The following CPLX1 variants were observed in gnomAD, a reference collection of about 807,000 sequenced individuals.
CPLX1 encodes the protein complexin 1, also known as complexin-1.
Under a neutral mutation model 15.6 loss-of-function variants are expected in CPLX1, and 6 were observed. The observed-to-expected ratio is 0.39, with a 90% CI of 0.21 to 0.76. The LOEUF is 0.76. CPLX1 is among the 30% of genes least tolerant of loss of function. CPLX1 has a pLI of 0.43. For synonymous variants in CPLX1, 91 were observed against 75.2 expected (o/e 1.21, Z -1.08); for missense variants, 242 against 188.6 (o/e 1.28, Z -1.66).
At chr4:822,448 T>C (rs1447848062) in intron 2 of CPLX1, among the ~76,000 whole-genome samples, 1 of 152,186 alleles carries the variant, frequency 6.6e-6, no homozygotes, top group East Asian at 1.9e-4. Context: ...GTCTCTGACG[T>C]GCCGTCTCTG....
chr4:818,086 G>A (rs1207735557), intron 2 of CPLX1, among the ~76,000 whole-genome samples: 1 of 152,222 alleles, frequency 6.6e-6, no homozygotes, highest in East Asian at 1.9e-4. Flanking sequence ...TTTGGCTCCT[G>A]TTCTTGCATT....
At chr4:788,050 T>C (rs1400352321) in intron 3 of CPLX1, 1 of 984,668 alleles carries the variant, frequency 1.0e-6, no homozygotes, top group Non-Finnish European at 1.2e-6. Flanking sequence ...AGGAGGGGAG[T>C]GGGCACCAGC....
At chr4:809,316 G>C (rs1208955934) in intron 2 of CPLX1, among the ~76,000 whole-genome samples, 2 of 152,256 alleles carry the variant, frequency 1.3e-5, no homozygotes, top group Non-Finnish European at 2.9e-5. Context: ...TGCACGGGGT[G>C]GGGCCCGGCC....
intron 2 of CPLX1, chr4:804,796 G>A (rs1161922472): frequency 3.0e-6 from 3 of 985,284 alleles, no homozygotes; most frequent in Non-Finnish European, 3.6e-6. Flanking sequence ...TCCCAGAGAC[G>A]GCTCTGGCGG....
intron 2 of CPLX1, chr4:804,751 C>A (rs1264852092): frequency 5.1e-6 from 5 of 985,320 alleles, no homozygotes; most frequent in South Asian, 4.7e-5. Flanking sequence ...GAAGTGAAAA[C>A]GCACCTTGCG....
rs1027164711 is a variant in CPLX1 at position 792,422 on chromosome 4, CCGG to C, written c.207+8_207+10del. ...CCGCCTTCCCGCAGGCGGGGCCGGCCCGGCGCGCACCTTGTCTCGGATGCCCTG... is the reference window on the plus strand; with the variant it reads ...CCGCCTTCCCGCAGGCGGGGCCGGCCCGCGCACCTTGTCTCGGATGCCCTG... On this transcript the variant is annotated splice_region_variant and intron_variant, in intron 3 of 3. Transcript: ENST00000304062. 7.8e-6 allele frequency: 12 copies of C among 1,531,024 alleles called. No individual in the cohort carries two copies. Among genetic ancestry groups the C allele is most frequent in the Non-Finnish European group, 1.1e-5 (12 of 1,140,648 alleles). The allele number at this position is 1,531,024 out of a possible 1,614,324, so 94.8% of individuals were successfully genotyped here.
At chr4:801,938 G>A (rs560167356) in intron 2 of CPLX1, among the ~76,000 whole-genome samples, 2 of 152,202 alleles carry the variant, frequency 1.3e-5, no homozygotes, top group Non-Finnish European at 2.9e-5. Context: ...GGAGGAACTG[G>A]AACACTCATG....
chr4:800,022 G>A (rs1204186179), intron 2 of CPLX1, among the ~76,000 whole-genome samples: 1 of 152,138 alleles, frequency 6.6e-6, no homozygotes, highest in East Asian at 1.9e-4. Context: ...TGCGACTGGT[G>A]GGATGGAGGG....
chr4:825,149 T>G (rs1746953785), intron 1 of CPLX1, among the ~76,000 whole-genome samples: 3 of 151,652 alleles, frequency 2.0e-5, no homozygotes, highest in Non-Finnish European at 2.9e-5. Flanking sequence ...GGGAGAAACT[T>G]CAGGGGGCTC....
rs1745984859 is a variant in CPLX1 at position 786,319 on chromosome 4, G to A, written c.*182C>T. 1.9e-6 allele frequency: 1 copy of A among 516,194 alleles called. No individual in the cohort carries two copies. The highest frequency in any genetic ancestry group is 3.3e-6 in the Non-Finnish European group (1 of 305,408). The allele number at this position is 516,194 out of a possible 1,614,324, so 32.0% of individuals were successfully genotyped here. A position where few individuals can be genotyped will look rare whatever the true frequency, so the allele number is the denominator to read the frequency against. On this transcript the variant is annotated 3_prime_UTR_variant, in exon 4 of 4. Coordinates refer to ENST00000304062, the MANE Select transcript of CPLX1 (RefSeq NM_006651.4). The stretch of plus-strand genomic sequence containing the variant: ...GGCAGAGGAGCACGGGGCGGACTGG[G>A]GGGGTCCTGGGGGCGCGCGCCCCTT...
chr4:801,894 C>T (rs1402254681), intron 2 of CPLX1, among the ~76,000 whole-genome samples: 2 of 152,220 alleles, frequency 1.3e-5, no homozygotes, highest in East Asian at 3.8e-4. Flanking sequence ...ATTAAAAAGA[C>T]TGACTGTGCT....
intron 2 of CPLX1, among the ~76,000 whole-genome samples, chr4:823,101 T>C (rs1046353884): frequency 2.0e-5 from 3 of 152,222 alleles, no homozygotes; most frequent in Non-Finnish European, 4.4e-5. Context: ...TTTCAGTTTC[T>C]TACAAGCCCA....
At chr4:797,729 C>T (rs935763349) in intron 2 of CPLX1, among the ~76,000 whole-genome samples, 6 of 150,898 alleles carry the variant, frequency 4.0e-5, no homozygotes, top group African/African-American at 7.3e-5. Context: ...GTCAGGAGAT[C>T]GAGACCATCC....
rs1452099360 is a variant in CPLX1 at position 802,911 on chromosome 4, A to T, written c.32-10303T>A. ...TGTTGCGGTGAGCCGAGACTGCGCC[A>T]CTGTACTCCAGCCTGAGCATTAGAG... On this transcript the variant is annotated intron_variant, in intron 2 of 3. Coordinates refer to ENST00000304062, the MANE Select transcript of CPLX1 (RefSeq NM_006651.4). 2.0e-5 allele frequency among the ~76,000 whole-genome samples: 3 copies of T among 151,246 alleles called. No homozygotes were observed. In the Admixed American group the frequency reaches 2.0e-4, roughly 10 times the overall value.
chr4:804,770 G>A (rs1746522324), intron 2 of CPLX1: 1 of 985,346 alleles, frequency 1.0e-6, no homozygotes, highest in Admixed American at 6.1e-5. Context: ...CGGGGGCTCG[G>A]GAAGTGCCTG....
chr4:819,692 C>T (rs893271833), intron 2 of CPLX1, among the ~76,000 whole-genome samples: 3 of 152,190 alleles, frequency 2.0e-5, no homozygotes, highest in Non-Finnish European at 4.4e-5. Flanking sequence ...TGGAGTAGGA[C>T]GGGCCCACCC....
rs565772156 is a variant in CPLX1, at chr4:804,453, C to A, written c.32-11845G>T. ...TAATGAGGAAAACACACAATAAGTA[C>A]GAAAATATAACCTACTTAGAAATAA... On this transcript the variant is annotated intron_variant, in intron 2 of 3. Transcript: ENST00000304062. 3.9e-4 allele frequency among the ~76,000 whole-genome samples: 59 copies of A among 151,886 alleles called. 1 individual carries two copies. The highest frequency in any genetic ancestry group is 7.2e-4 in the Non-Finnish European group (49 of 67,982).
At chr4:803,532 A>AGGCGTCCGCCAC (rs368633590) in intron 2 of CPLX1, among the ~76,000 whole-genome samples, 9,325 of 151,620 alleles carry the variant, frequency 0.062, 897 homozygotes, top group African/African-American at 0.21. Context: ...CTGGGACTGC[A>AGGCGTCCGCCAC]GGCGTCCGCC....
chr4:795,045 T>C (rs1030739934), intron 2 of CPLX1, among the ~76,000 whole-genome samples: 1 of 152,210 alleles, frequency 6.6e-6, no homozygotes, highest in Admixed American at 6.5e-5. Context: ...AGCCGAGGAT[T>C]CGTGCTCCCC....
Sources: allele counts gnomAD v4.1 joint callset (sites outside exome capture counted in the v4.1 genomes callset), GRCh38; gene constraint gnomAD v4.1.1; transcripts MANE v1.5; gene names NCBI Gene and HGNC (gene_info 2026-07-23, HGNC 2026-07-21).